Variants in SYNE1 observed in about 807,000 individuals in gnomAD.
SYNE1 encodes the protein nesprin-1.
In SYNE1, 616 loss-of-function variants were observed where a neutral mutation model predicts 1,111.0. The observed-to-expected ratio is 0.55, with a 90% CI of 0.52 to 0.59. The LOEUF (loss-of-function observed/expected upper bound fraction) is 0.59, where lower values mean the gene tolerates loss of function less well. Ranked by LOEUF, SYNE1 falls within the 20% of genes least tolerant of loss-of-function variation. The pLI, the probability that SYNE1 is intolerant of heterozygous loss-of-function variation, is 0.00. For missense variants in SYNE1, 10,006 were observed against 10,417.0 expected, an observed-to-expected ratio of 0.96 and a Z score of 1.72; for synonymous variants, 3,855 against 3,825.8, an observed-to-expected ratio of 1.01 and a Z score of -0.28.
intron 80 of SYNE1, 112 bp downstream of exon 80, chr6:152,325,846 C>T: frequency 8.0e-7 from 1 of 1,251,684 alleles, no homozygotes; most frequent in South Asian, 1.3e-5. Context: ...TTAAATGCAT[C>T]CTTATCACAT....
intron 103 of SYNE1, 22 bp downstream of exon 103, chr6:152,255,569 A>G (rs373575018): frequency 3.0e-5 from 49 of 1,613,816 alleles, no homozygotes; most frequent in Non-Finnish European, 3.9e-5. Flanking sequence ...ATACACACAC[A>G]GGCAGGAACT....
chr6:152,466,218 C>T (rs901242048), intron 16 of SYNE1, 140 bp from the exon 17 acceptor site: 15 of 634,864 alleles, frequency 2.4e-5, no homozygotes, highest in Non-Finnish European at 4.3e-5. Flanking sequence ...AAAATTAATT[C>T]CACTGCTACA....
At chr6:152,208,623 C>T (rs2076963270) in intron 124 of SYNE1, among the ~76,000 whole-genome samples, 1 of 152,196 alleles carries the variant, frequency 6.6e-6, no homozygotes, top group Non-Finnish European at 1.5e-5. Context: ...ATGTGTGGAA[C>T]AAGGCTTATG....
intron 95 of SYNE1, among the ~76,000 whole-genome samples, chr6:152,292,764 T>C (rs1176624265): frequency 6.6e-6 from 1 of 152,214 alleles, no homozygotes; most frequent in Non-Finnish European, 1.5e-5. Context: ...AAAATATCTT[T>C]CTTTCCTCCT....
At chr6:152,379,130 T>C (rs946144780) in intron 56 of SYNE1, among the ~76,000 whole-genome samples, 1 of 152,186 alleles carries the variant, frequency 6.6e-6, no homozygotes, top group Non-Finnish European at 1.5e-5. Flanking sequence ...TACTTATGAA[T>C]GGGATGACAT....
At chr6:152,297,664 G>A (rs1019254673) in intron 93 of SYNE1, among the ~76,000 whole-genome samples, 1 of 152,154 alleles carries the variant, frequency 6.6e-6, no homozygotes, top group South Asian at 2.1e-4. Context: ...AAGCAGGAAT[G>A]CCTTTAAATG....
At chr6:152,325,376 T>A in intron 80 of SYNE1, 74 bp from the exon 81 acceptor site, 8 of 1,507,686 alleles carry the variant, frequency 5.3e-6, no homozygotes, top group Non-Finnish European at 6.4e-6. Context: ...GTTCTATGGA[T>A]CTTGGTAAAG....
At chr6:152,511,206 A>G in intron 6 of SYNE1, 103 bp from the exon 7 acceptor site, 1 of 1,016,268 alleles carries the variant, frequency 9.8e-7, no homozygotes, top group Non-Finnish European at 1.5e-6. Context: ...AGATTTGATC[A>G]TGCCTATGTA....
intron 104 of SYNE1, among the ~76,000 whole-genome samples, chr6:152,253,960 T>C (rs1039180136): frequency 1.3e-5 from 2 of 151,268 alleles, no homozygotes; most frequent in South Asian, 2.1e-4. Context: ...TTAAAACTTA[T>C]GTATTCTCAA....
intron 34 of SYNE1, chr6:152,433,453 G>A: frequency 3.1e-6 from 1 of 326,360 alleles, no homozygotes; most frequent in Non-Finnish European, 5.8e-6. Context: ...TGTACAGGAT[G>A]AATACATTTC....
chr6:152,209,492 T>G (rs1048446308), intron 124 of SYNE1, among the ~76,000 whole-genome samples: 1 of 152,120 alleles, frequency 6.6e-6, no homozygotes, highest in Non-Finnish European at 1.5e-5. Context: ...ACTCACGTCT[T>G]TAATCCCAGC....
chr6:152,372,626 A>G (rs898322547), intron 59 of SYNE1, among the ~76,000 whole-genome samples: 9 of 152,334 alleles, frequency 5.9e-5, no homozygotes, highest in African/African-American at 2.2e-4. Context: ...CTAAAAACCT[A>G]CTACCTGGTA....
intron 14 of SYNE1, among the ~76,000 whole-genome samples, chr6:152,473,546 C>T (rs940010253): frequency 6.6e-5 from 10 of 152,284 alleles, no homozygotes; most frequent in Middle Eastern, 3.4e-3. Flanking sequence ...CACATTTTGA[C>T]CTGCTTTGAC....
chr6:152,159,099 G>A (rs1047716382), intron 131 of SYNE1, among the ~76,000 whole-genome samples: 3 of 152,110 alleles, frequency 2.0e-5, no homozygotes, highest in South Asian at 2.1e-4. Context: ...CTACAGGCGC[G>A]CACCACCATG....
At chr6:152,406,512 C>G (rs1038291795) in intron 45 of SYNE1, among the ~76,000 whole-genome samples, 1 of 151,342 alleles carries the variant, frequency 6.6e-6, no homozygotes, top group East Asian at 1.9e-4. Flanking sequence ...TTATTCATAA[C>G]CTGTTCAAAT....
At chr6:152,223,159 T>C (rs2080574947) in intron 117 of SYNE1, among the ~76,000 whole-genome samples, 1 of 152,234 alleles carries the variant, frequency 6.6e-6, no homozygotes, top group Non-Finnish European at 1.5e-5. Flanking sequence ...TAACATATAT[T>C]AAATTAAAAA....
intron 3 of SYNE1, among the ~76,000 whole-genome samples, chr6:152,616,908 T>C (rs572386036): frequency 5.9e-5 from 9 of 152,142 alleles, no homozygotes; most frequent in Non-Finnish European, 1.0e-4. Flanking sequence ...GTGTATTAAT[T>C]ACTCCTAATA....
intron 127 of SYNE1, among the ~76,000 whole-genome samples, chr6:152,194,886 T>A (rs983941410): frequency 6.6e-6 from 1 of 152,184 alleles, no homozygotes; most frequent in African/African-American, 2.4e-5. Context: ...CTGATATGAT[T>A]CTGAATTCAT....
chr6:152,346,255 C>T lies in SYNE1; in HGVS notation c.12078+804G>A, dbSNP rs1011643513. On this transcript the variant is annotated intron_variant, in intron 73 of 145. Transcript: ENST00000367255. The stretch of plus-strand genomic sequence containing the variant: ...GATCTCGGCTCACTGCAATCTCTGC[C>T]TCCCACGTTCAAGCGATTCTGCTGC... Among the ~76,000 whole-genome samples, 5 of 152,186 alleles carry T rather than the reference C, an allele frequency of 3.3e-5. No individual in the cohort carries two copies. In the East Asian group the frequency reaches 9.8e-4, roughly 30 times the overall value.
Sources: allele counts gnomAD v4.1 joint callset (sites outside exome capture counted in the v4.1 genomes callset), GRCh38; gene constraint gnomAD v4.1.1; transcripts MANE v1.5; gene names NCBI Gene and HGNC (gene_info 2026-07-23, HGNC 2026-07-21).